Variants in VWA3B observed in about 807,000 individuals in gnomAD.
The protein encoded by VWA3B is von Willebrand factor A domain containing 3B.
Under a neutral mutation model 158.3 loss-of-function variants are expected in VWA3B, and 138 were observed. The observed-to-expected ratio is 0.87, with a 90% CI of 0.76 to 1.00. VWA3B has a LOEUF of 1.00. VWA3B is among the 50% of genes least tolerant of loss of function. The probability of loss-of-function intolerance (pLI) is 0.00; values close to 1 mark genes in which losing one functional copy is unlikely to be tolerated. For missense variants in VWA3B, 1,555 were observed against 1,565.1 expected, an observed-to-expected ratio of 0.99 and a Z score of 0.11; for synonymous variants, 596 against 587.3, an observed-to-expected ratio of 1.01 and a Z score of -0.21.
At chr2:98,118,902 A>G (rs754106451) in intron 3 of VWA3B, among the ~76,000 whole-genome samples, 1 of 152,204 alleles carries the variant, frequency 6.6e-6, no homozygotes, top group Non-Finnish European at 1.5e-5. Context: ...TTATTTGTAC[A>G]TACAAGAAAC....
intron 8 of VWA3B, among the ~76,000 whole-genome samples, chr2:98,170,719 G>T (rs1200537949): frequency 1.3e-5 from 2 of 151,666 alleles, no homozygotes; most frequent in East Asian, 3.9e-4. Context: ...TGATTGTCCT[G>T]CCTCAGCCTC....
At chr2:98,199,086 C>CAAA (rs35508873) in intron 12 of VWA3B, among the ~76,000 whole-genome samples, 10 of 143,864 alleles carry the variant, frequency 7.0e-5, no homozygotes, top group African/African-American at 1.3e-4. Context: ...GACTCCGTCT[C>CAAA]AAAAAAAAAA....
At chr2:98,185,413 T>A (rs1680956082) in intron 9 of VWA3B, among the ~76,000 whole-genome samples, 1 of 152,224 alleles carries the variant, frequency 6.6e-6, no homozygotes, top group Non-Finnish European at 1.5e-5. Flanking sequence ...CTCCGTGCAG[T>A]TAACTGTACT....
At chr2:98,193,665 G>T (rs534062148) in intron 11 of VWA3B, among the ~76,000 whole-genome samples, 2 of 150,902 alleles carry the variant, frequency 1.3e-5, no homozygotes, top group African/African-American at 4.9e-5. Flanking sequence ...GTGCCAACCC[G>T]GCTCACTGCA....
chr2:98,196,519 T>C (rs1356033493), intron 12 of VWA3B, among the ~76,000 whole-genome samples: 1 of 152,186 alleles, frequency 6.6e-6, no homozygotes, highest in African/African-American at 2.4e-5. Context: ...TTTGTGCTGT[T>C]GTCATGCAGC....
chr2:98,170,906 G>C (rs1016434517), intron 8 of VWA3B, among the ~76,000 whole-genome samples: 1 of 152,080 alleles, frequency 6.6e-6, no homozygotes, highest in Non-Finnish European at 1.5e-5. Context: ...TGCCCGACCA[G>C]AACAATATTA....
chr2:98,162,931 C>T lies in VWA3B; in HGVS notation c.1069C>T (p.Leu357=), dbSNP rs760992224. Residue 357 remains leucine, a synonymous_variant, in exon 8 of 28, where the codon CTG becomes TTG. Transcript: ENST00000477737. ...CAGCACGCTGGCCCAGATCCAGAGG[C>T]TGGTGGCCGAGCCTCCCAAGCCCGA... ...ACSTLAQIQR[L]VAEPPKPDVA... 4 of 1,614,004 alleles carry T rather than the reference C, an allele frequency of 2.5e-6. No homozygotes were observed. The highest frequency in any genetic ancestry group is 1.7e-5 in the Admixed American group (1 of 60,014).
intron 19 of VWA3B, among the ~76,000 whole-genome samples, chr2:98,241,383 T>A (rs754206391): frequency 6.6e-6 from 1 of 151,602 alleles, no homozygotes; most frequent in African/African-American, 2.4e-5. Context: ...AGAAATTAAT[T>A]TGGGGTTTGA....
chr2:98,214,489 C>T (rs897159376), intron 13 of VWA3B, among the ~76,000 whole-genome samples: 1 of 152,066 alleles, frequency 6.6e-6, no homozygotes, highest in Non-Finnish European at 1.5e-5. Context: ...AAAATTCTCC[C>T]TCTCACCCCT....
chr2:98,208,972 G>A (rs1010676067), intron 12 of VWA3B, among the ~76,000 whole-genome samples: 1 of 152,112 alleles, frequency 6.6e-6, no homozygotes, highest in African/African-American at 2.4e-5. Flanking sequence ...TTCAACCCTG[G>A]AGGATATTTT....
chr2:98,277,824 T>C (rs6543459), intron 22 of VWA3B, among the ~76,000 whole-genome samples: 63,746 of 152,112 alleles, frequency 0.42, 13,769 homozygotes, highest in Admixed American at 0.47. Context: ...ACACTATACA[T>C]GCAGGAAGAT....
At chr2:98,117,129 A>T (rs1674593220) in intron 3 of VWA3B, among the ~76,000 whole-genome samples, 1 of 152,200 alleles carries the variant, frequency 6.6e-6, no homozygotes, top group Non-Finnish European at 1.5e-5. Flanking sequence ...AGTCTGGTTA[A>T]GAACCACTGC....
chr2:98,169,260 A>G (rs1427575503), intron 8 of VWA3B, among the ~76,000 whole-genome samples: 1 of 152,252 alleles, frequency 6.6e-6, no homozygotes, highest in East Asian at 1.9e-4. Flanking sequence ...AAGACAAAAT[A>G]AAAACATTTT....
intron 26 of VWA3B, among the ~76,000 whole-genome samples, chr2:98,310,208 T>TGA (rs1690803565): frequency 6.6e-6 from 1 of 152,162 alleles, no homozygotes; most frequent in East Asian, 1.9e-4. Flanking sequence ...GCAGCCTTGC[T>TGA]GAGAGAGAGA....
chr2:98,184,674 C>T (rs1680869020), intron 9 of VWA3B, among the ~76,000 whole-genome samples: 1 of 152,252 alleles, frequency 6.6e-6, no homozygotes, highest in Admixed American at 6.5e-5. Context: ...TGCTTCCAGG[C>T]CTCTGAAACG....
intron 12 of VWA3B, among the ~76,000 whole-genome samples, chr2:98,200,069 G>A (rs1156832734): frequency 2.6e-5 from 4 of 152,134 alleles, no homozygotes; most frequent in Non-Finnish European, 4.4e-5. Flanking sequence ...AAGATGTCTC[G>A]TAGTATCCTA....
At position 98,224,925 on chromosome 2, in the gene VWA3B, C is replaced by A. The variant is rs1176318743; in HGVS notation, c.2020-3277C>A. Among the ~76,000 whole-genome samples the A allele has an allele frequency of 3.3e-5, 5 of 152,052 alleles. No homozygotes were observed. In the East Asian group the frequency reaches 9.6e-4, roughly 29 times the overall value. On this transcript the variant is annotated intron_variant, in intron 14 of 27. Transcript: ENST00000477737. ...TGTATTAAAAATTATACACTATGAT[C>A]AAGGGGGACTTACTCCATATATACA...
chr2:98,319,481 A>G, the VWA3B span, among the ~76,000 whole-genome samples: 1 of 152,248 alleles, frequency 6.6e-6, no homozygotes, highest in Non-Finnish European at 1.5e-5. Context: ...AAGACCTGGC[A>G]GAAAAATAGG....
chr2:98,223,976 C>T (rs1684714244), intron 14 of VWA3B, among the ~76,000 whole-genome samples: 1 of 152,198 alleles, frequency 6.6e-6, no homozygotes, highest in South Asian at 2.1e-4. Flanking sequence ...AGTCCTCCTG[C>T]CTCAGCCTCT....
Sources: gnomAD v4.1 joint callset for allele counts (sites outside exome capture counted in the v4.1 genomes callset) on GRCh38, gnomAD v4.1.1 for gene constraint, MANE v1.5 for transcripts, NCBI Gene and HGNC (gene_info 2026-07-23, HGNC 2026-07-21) for gene names.